The following UGGT2 variants were observed in gnomAD, a reference collection of about 807,000 sequenced individuals.
The protein encoded by UGGT2 is UDP-glucose glycoprotein glucosyltransferase 2.
In UGGT2, 180 loss-of-function variants were observed where a neutral mutation model predicts 192.1. The observed-to-expected ratio is 0.94, with a 90% CI of 0.83 to 1.06. UGGT2 has a LOEUF of 1.06. Ranked by LOEUF, UGGT2 falls within the 50% of genes least tolerant of loss-of-function variation. The pLI is 0.00. For synonymous variants in UGGT2, 580 were observed against 591.0 expected (o/e 0.98, Z 0.27); for missense variants, 1,849 against 1,795.7 (o/e 1.03, Z -0.54).
chr13:95,908,797 T>C (rs1322717444), intron 20 of UGGT2, among the ~76,000 whole-genome samples: 1 of 130,756 alleles, frequency 7.6e-6, no homozygotes, highest in Non-Finnish European at 1.6e-5. Context: ...TGGGGTTGTT[T>C]GTTTTTTTCT....
chr13:95,928,444 G>A (rs936649595), intron 17 of UGGT2, among the ~76,000 whole-genome samples: 17 of 151,246 alleles, frequency 1.1e-4, no homozygotes, highest in African/African-American at 1.7e-4. Flanking sequence ...CAGATGGGGC[G>A]GCTGCTGGGC....
chr13:95,803,131 GCCGATA>G (rs1884143424), intron 38 of UGGT2, among the ~76,000 whole-genome samples: 1 of 152,176 alleles, frequency 6.6e-6, no homozygotes, highest in African/African-American at 2.4e-5. Flanking sequence ...ACTGTGCCCA[GCCGATA>G]GCCTGGTATC....
intron 11 of UGGT2, among the ~76,000 whole-genome samples, chr13:95,971,058 G>A (rs997107225): frequency 1.2e-4 from 19 of 152,112 alleles, no homozygotes; most frequent in African/African-American, 4.1e-4. Flanking sequence ...CCTAACCCAT[G>A]GAGGCTCTGG....
At chr13:95,883,172 G>A (rs776518569) in intron 27 of UGGT2, among the ~76,000 whole-genome samples, 6 of 152,096 alleles carry the variant, frequency 3.9e-5, no homozygotes, top group African/African-American at 1.4e-4. Context: ...ATCCACATAC[G>A]AGCCGATCAA....
chr13:96,029,433 G>A lies in UGGT2; in HGVS notation c.241+2456C>T, dbSNP rs149583525. Among the ~76,000 whole-genome samples, 853 of 151,702 alleles carry A rather than the reference G, an allele frequency of 5.6e-3. 1 individual carries two copies. Among genetic ancestry groups the A allele is most frequent in the Admixed American group, 0.013 (204 of 15,220 alleles). ...TCCCGAGTAGCTGGATTACAGGCCC[G>A]CACCACCACGCCCAGCTAATTTGTG... On this transcript the variant is annotated intron_variant, in intron 2 of 38. Coordinates refer to ENST00000376747, the MANE Select transcript of UGGT2 (RefSeq NM_020121.4).
In UGGT2 at chr13:95,977,755, C is replaced by T. The variant is rs530593352; in HGVS notation, c.1093-5084G>A. Among the ~76,000 whole-genome samples, 23 of 152,244 alleles carry T rather than the reference C, an allele frequency of 1.5e-4. No individual in the cohort carries two copies. In the South Asian group the frequency reaches 4.1e-3, roughly 27 times the overall value. ...GACAAATGCACACGTATGTTTATTGCAGCATTATTTACAACAGCAAAGACT... is the reference window on the plus strand; with the variant it reads ...GACAAATGCACACGTATGTTTATTGTAGCATTATTTACAACAGCAAAGACT... On this transcript the variant is annotated intron_variant, in intron 10 of 38. Transcript: ENST00000376747.
intron 12 of UGGT2, among the ~76,000 whole-genome samples, chr13:95,950,776 T>G (rs2050036843): frequency 2.0e-5 from 3 of 151,954 alleles, no homozygotes; most frequent in South Asian, 2.1e-4. Context: ...TATTTATAAT[T>G]AAGAACTCTA....
At chr13:96,023,839 C>T (rs1387852698) in intron 2 of UGGT2, 80 bp from the exon 3 acceptor site, 5 of 1,195,078 alleles carry the variant, frequency 4.2e-6, no homozygotes, top group Non-Finnish European at 5.7e-6. Flanking sequence ...GTAAGGCTAA[C>T]TTAATGTCAT....
At chr13:95,888,030 AT>A in intron 25 of UGGT2, 59 bp from the exon 26 acceptor site, 1 of 1,187,316 alleles carries the variant, frequency 8.4e-7, no homozygotes, top group South Asian at 1.4e-5. Flanking sequence ...AATATTTATT[AT>A]GTATTTACTA....
intron 36 of UGGT2, among the ~76,000 whole-genome samples, chr13:95,845,990 A>G (rs866905487): frequency 6.0e-5 from 8 of 133,056 alleles, no homozygotes; most frequent in African/African-American, 2.3e-4. Flanking sequence ...ATGGGCGGCC[A>G]GGCAGAGACG....
At chr13:95,829,720 A>G (rs2139854650) in intron 38 of UGGT2, among the ~76,000 whole-genome samples, 1 of 152,348 alleles carries the variant, frequency 6.6e-6, no homozygotes. Flanking sequence ...AGGAAGAATC[A>G]GTATTGTGAA....
At chr13:95,819,803 T>G (rs1885308262) in intron 38 of UGGT2, among the ~76,000 whole-genome samples, 1 of 152,144 alleles carries the variant, frequency 6.6e-6, no homozygotes, top group Non-Finnish European at 1.5e-5. Context: ...CAACTAAAAC[T>G]GAGCTAACAC....
At chr13:95,809,169 G>GGTGGGATT (rs1884460824) in intron 38 of UGGT2, 2 of 455,022 alleles carry the variant, frequency 4.4e-6, no homozygotes, top group South Asian at 3.1e-5. Context: ...AATGGGATGA[G>GGTGGGATT]GTGGGATTCC....
rs183774922 is a variant in UGGT2 at position 95,880,311 on chromosome 13, T to C, written c.3229-2455A>G. Among the ~76,000 whole-genome samples the C allele has an allele frequency of 2.4e-3, 368 of 152,316 alleles. 4 individuals are homozygous for C. Among genetic ancestry groups the C allele is most frequent in the Non-Finnish European group, 1.1e-3 (73 of 68,026 alleles). Reference sequence around the variant, plus strand: ...CAGACACATTTTCCCAAGTTATTAATAGCAAAGCTATAACACATATCTTGA... The same window carrying C: ...CAGACACATTTTCCCAAGTTATTAACAGCAAAGCTATAACACATATCTTGA... On this transcript the variant is annotated intron_variant, in intron 27 of 38. Transcript: ENST00000376747.
chr13:95,875,688 T>A (rs1056663813), intron 29 of UGGT2, among the ~76,000 whole-genome samples: 2 of 152,178 alleles, frequency 1.3e-5, no homozygotes, highest in African/African-American at 4.8e-5. Context: ...TACTATATCA[T>A]CTCTAATGTC....
At chr13:95,972,737 C>A in intron 10 of UGGT2, 66 bp from the exon 11 acceptor site, 2 of 1,163,556 alleles carry the variant, frequency 1.7e-6, no homozygotes, top group South Asian at 2.7e-5. Context: ...TAGGGGTCAC[C>A]ATATTATTTC....
chr13:96,016,389 A>G (rs2139086616), intron 4 of UGGT2, among the ~76,000 whole-genome samples: 1 of 152,362 alleles, frequency 6.6e-6, no homozygotes, highest in East Asian at 1.9e-4. Flanking sequence ...AGCCCCTCTC[A>G]TCATACACTC....
intron 29 of UGGT2, among the ~76,000 whole-genome samples, chr13:95,875,897 T>C (rs1372894626): frequency 6.6e-6 from 1 of 152,172 alleles, no homozygotes; most frequent in African/African-American, 2.4e-5. Flanking sequence ...TAATAAAAGG[T>C]GCTCAGTAAG....
intron 38 of UGGT2, among the ~76,000 whole-genome samples, chr13:95,830,188 C>T (rs1170601385): frequency 6.6e-6 from 1 of 152,122 alleles, no homozygotes; most frequent in African/African-American, 2.4e-5. Context: ...TAGAAGAAAA[C>T]CTAGGCAATA....
Sources: gnomAD v4.1 joint callset for allele counts (sites outside exome capture counted in the v4.1 genomes callset) on GRCh38, gnomAD v4.1.1 for gene constraint, MANE v1.5 for transcripts, NCBI Gene and HGNC (gene_info 2026-07-23, HGNC 2026-07-21) for gene names.